Variants in CLSTN3 observed in about 807,000 individuals in gnomAD.
The protein encoded by CLSTN3 is calsyntenin 3, also known as calsyntenin-3.
In CLSTN3, 36 loss-of-function variants were observed where a neutral mutation model predicts 95.9. That is an observed-to-expected ratio of 0.38 (90% CI 0.29 to 0.50). The LOEUF (loss-of-function observed/expected upper bound fraction) is 0.50, where lower values mean the gene tolerates loss of function less well. Ranked by LOEUF, CLSTN3 falls within the 20% of genes least tolerant of loss-of-function variation. The pLI, the probability that CLSTN3 is intolerant of heterozygous loss-of-function variation, is 0.95. For missense variants in CLSTN3, 1,084 were observed against 1,268.8 expected (o/e 0.85, Z 2.21); for synonymous variants, 481 against 504.0 (o/e 0.95, Z 0.61).
rs113962555 is a variant in CLSTN3, at chr12:7,137,493, A to G, written c.1210+383A>G. Among the ~76,000 whole-genome samples, 2 of 151,874 alleles carry G rather than the reference A, an allele frequency of 1.3e-5. No homozygotes were observed. The highest frequency in any genetic ancestry group is 4.8e-5 in the African/African-American group (2 of 41,400). ...CCCATCCTGGGACTGGTTGGCCCCA[A>G]CTCCGAGGCCTGTTCTTCCCTCAAC... On this transcript the variant is annotated intron_variant, in intron 7 of 17. Transcript: ENST00000266546. This position sits in a 1 kb window ranked among gnomAD's most constrained non-coding sequence, Gnocchi z 4.4.
intron 16 of CLSTN3, chr12:7,156,340 G>C (rs1469121700): frequency 2.7e-5 from 12 of 448,632 alleles, no homozygotes; most frequent in Non-Finnish European, 5.4e-5. Context: ...TTCGAGAGCT[G>C]TGTGTGTGTG....
At position 7,158,094 on chromosome 12, in the gene CLSTN3, T is replaced by C; in HGVS notation, c.*13T>C. 6.7e-7 allele frequency: 1 copy of C among 1,488,626 alleles called. No homozygotes were observed. The highest frequency in any genetic ancestry group is 1.3e-5 in the South Asian group (1 of 74,616). 92.2% of individuals were successfully genotyped at this position (1,488,626 alleles called of 1,614,324 possible). A position where few individuals can be genotyped will look rare whatever the true frequency, so the allele number is the denominator to read the frequency against. On this transcript the variant is annotated 3_prime_UTR_variant, in exon 18 of 18. Transcript: ENST00000266546. Reference sequence around the variant, plus strand: ...ACACCGCTACTAAGGCCTACACCTCTCCCCACGCAGAGGGGGAATTCTGCC... The same window carrying C: ...ACACCGCTACTAAGGCCTACACCTCCCCCCACGCAGAGGGGGAATTCTGCC...
Position 7,136,942 on chromosome 12 carries a change from G to C in CLSTN3, c.1042G>C (p.Gly348Arg), listed in dbSNP as rs745906828. 1.9e-6 allele frequency: 3 copies of C among 1,614,044 alleles called. No individual in the cohort carries two copies. The African/African-American group carries it at 4.0e-5, about 22-fold the overall frequency. ...QDSSLIYWFN[G>R]TQAVQVPLGG... is the part of the protein sequence containing the mutation. ...CAGCAGCCTGATCTACTGGTTCAATGGCACCCAGGCTGTGCAGGTGCCCCT... is the reference window on the plus strand; with the variant it reads ...CAGCAGCCTGATCTACTGGTTCAATCGCACCCAGGCTGTGCAGGTGCCCCT... The change falls in exon 7 of 18, where the codon GGC becomes CGC. Residue 348 changes from glycine (G) to arginine (R), a missense_variant. Gly to Arg is a moderately radical substitution (Grantham distance 125). Coordinates refer to ENST00000266546, the MANE Select transcript of CLSTN3 (RefSeq NM_014718.4).
chr12:7,156,421 C>T (rs1411153677), intron 16 of CLSTN3: 1 of 456,858 alleles, frequency 2.2e-6, no homozygotes, highest in Non-Finnish European at 4.4e-6. Flanking sequence ...TCTGTAGTGT[C>T]TATGTCTTCC....
rs773370112 is a variant in CLSTN3, at chr12:7,147,551, G to A, written c.1848-1421G>A. ...TTTTGAGATAGGGTCTCACTCTGTC[G>A]CCCAGGCTGGAGTGCAGTGGCCTGA... On this transcript the variant is annotated intron_variant, in intron 12 of 17. Coordinates refer to ENST00000266546, the MANE Select transcript of CLSTN3 (RefSeq NM_014718.4). 3.9e-4 allele frequency among the ~76,000 whole-genome samples: 55 copies of A among 139,334 alleles called. 1 individual carries two copies. In the East Asian group the frequency reaches 7.4e-3, roughly 19 times the overall value. 91.4% of individuals were successfully genotyped at this position (139,334 alleles called of 152,430 possible). A position where few individuals can be genotyped will look rare whatever the true frequency, so the allele number is the denominator to read the frequency against.
In CLSTN3 at chr12:7,157,399, C is replaced by T. The variant is rs1446416946; in HGVS notation, c.2528-90C>T. The T allele has an allele frequency of 2.4e-5, 28 of 1,165,984 alleles. No homozygotes were observed. Among genetic ancestry groups the T allele is most frequent in the South Asian group, 8.4e-5 (5 of 59,870 alleles). The allele number at this position is 1,165,984 out of a possible 1,614,324, so 72.2% of individuals were successfully genotyped here. On this transcript the variant is annotated intron_variant, in intron 16 of 17. Coordinates refer to ENST00000266546, the MANE Select transcript of CLSTN3 (RefSeq NM_014718.4). The surrounding 1 kb of genome is among the most constrained non-coding windows in gnomAD (Gnocchi z 5.9). ...GTTCTGCCCTGGGAGTCCTTCAGCC[C>T]GGGCTGCCTCTTTTCCTACCCAGCC...
intron 16 of CLSTN3, among the ~76,000 whole-genome samples, chr12:7,155,728 G>C (rs1007608057): frequency 1.3e-5 from 2 of 152,266 alleles, no homozygotes; most frequent in Non-Finnish European, 2.9e-5. Flanking sequence ...CTTGGAACCA[G>C]TGTCGAGGGA....
intron 16 of CLSTN3, among the ~76,000 whole-genome samples, chr12:7,153,780 T>G (rs1355587431): frequency 6.6e-6 from 1 of 152,148 alleles, no homozygotes; most frequent in African/African-American, 2.4e-5. Context: ...CCTGGTGAGA[T>G]TCTCGATCCT....
At chr12:7,144,653 C>G (rs1939590814) in intron 12 of CLSTN3, among the ~76,000 whole-genome samples, 1 of 152,164 alleles carries the variant, frequency 6.6e-6, no homozygotes, top group Non-Finnish European at 1.5e-5. Context: ...GTTAGGATTT[C>G]TGCGTTCCAA....
In CLSTN3 at chr12:7,141,094, A is replaced by T. The variant is rs115010156; in HGVS notation, c.1324-148A>T. 950 of 839,834 alleles carry T rather than the reference A, an allele frequency of 1.1e-3. 13 individuals carry two copies. The African/African-American group carries it at 0.015, about 13-fold the overall frequency. 52.0% of individuals were successfully genotyped at this position (839,834 alleles called of 1,614,324 possible). On this transcript the variant is annotated intron_variant, in intron 8 of 17. Transcript: ENST00000266546. This position sits in a 1 kb window ranked among gnomAD's most constrained non-coding sequence, Gnocchi z 4.1. Reference sequence around the variant, plus strand: ...ACAAGGATGTTATTCCTCGAGCTGGATAGGCAGCAAAGCACTAGTAAGCCC... The same window carrying T: ...ACAAGGATGTTATTCCTCGAGCTGGTTAGGCAGCAAAGCACTAGTAAGCCC...
intron 11 of CLSTN3, 30 bp from the exon 12 acceptor site, chr12:7,143,133 C>A (rs1400722948): frequency 1.2e-6 from 2 of 1,607,556 alleles, no homozygotes; most frequent in South Asian, 1.1e-5. Context: ...CCTGGCCCTG[C>A]TCTCAGCTGT....
chr12:7,157,372 G>A lies in CLSTN3; in HGVS notation c.2528-117G>A, dbSNP rs1939835460. The A allele has an allele frequency of 1.2e-6, 1 of 833,552 alleles. No homozygotes were observed. Among genetic ancestry groups the A allele is most frequent in the Non-Finnish European group, 1.8e-6 (1 of 554,920 alleles). The allele number at this position is 833,552 out of a possible 1,614,324, so 51.6% of individuals were successfully genotyped here. ...GTGTTCCTCTCTTCTCGGCCACCGT[G>A]TGTTCTGCCCTGGGAGTCCTTCAGC... On this transcript the variant is annotated intron_variant, in intron 16 of 17. Coordinates refer to ENST00000266546, the MANE Select transcript of CLSTN3 (RefSeq NM_014718.4). The surrounding 1 kb of genome is among the most constrained non-coding windows in gnomAD (Gnocchi z 5.9).
At position 7,157,832 on chromosome 12, in the gene CLSTN3, A is replaced by G. The variant is rs1591624458; in HGVS notation, c.2731-109A>G. The G allele has an allele frequency of 6.6e-7, 1 of 1,505,184 alleles. No homozygotes were observed. Among genetic ancestry groups the G allele is most frequent in the African/African-American group, 1.4e-5 (1 of 72,334 alleles). 93.2% of individuals were successfully genotyped at this position (1,505,184 alleles called of 1,614,324 possible). A position where few individuals can be genotyped will look rare whatever the true frequency, so the allele number is the denominator to read the frequency against. On this transcript the variant is annotated intron_variant, in intron 17 of 17. Transcript: ENST00000266546. The surrounding 1 kb of genome is among the most constrained non-coding windows in gnomAD (Gnocchi z 5.9). The stretch of plus-strand genomic sequence containing the variant: ...CGGAGGGAGAGAGGTTCAGGCAGGG[A>G]AGGGGGTACACAGGGGTTAAGGGGA...
At chr12:7,130,995 T>C (rs1367644864) in intron 1 of CLSTN3, 2 of 523,820 alleles carry the variant, frequency 3.8e-6, no homozygotes, top group Non-Finnish European at 6.9e-6. Flanking sequence ...TATTCTCCCC[T>C]TCCCCTAATT....
At chr12:7,156,333 G>A (rs777989525) in intron 16 of CLSTN3, 8 of 457,088 alleles carry the variant, frequency 1.8e-5, no homozygotes, top group South Asian at 6.2e-5. Context: ...GTGCTTCTTC[G>A]AGAGCTGTGT....
rs1939783774 is a variant in CLSTN3 at position 7,154,522 on chromosome 12, G to C, written c.2528-2967G>C. On this transcript the variant is annotated intron_variant, in intron 16 of 17. Transcript: ENST00000266546. The stretch of plus-strand genomic sequence containing the variant: ...AGGTGGTTAAGAGTGTTTATGGTTA[G>C]AGAGAATAAGGTTGGTTGAGAAGAG... Among the ~76,000 whole-genome samples, 3 of 152,184 alleles carry C rather than the reference G, an allele frequency of 2.0e-5. No individual in the cohort carries two copies. In the South Asian group the frequency reaches 6.2e-4, roughly 32 times the overall value.
Position 7,157,370 on chromosome 12 carries a change from G to T in CLSTN3, c.2528-119G>T. The T allele has an allele frequency of 1.2e-6, 1 of 815,448 alleles. No homozygotes were observed. 50.5% of individuals were successfully genotyped at this position (815,448 alleles called of 1,614,324 possible). Reference sequence around the variant, plus strand: ...AGGTGTTCCTCTCTTCTCGGCCACCGTGTGTTCTGCCCTGGGAGTCCTTCA... The same window carrying T: ...AGGTGTTCCTCTCTTCTCGGCCACCTTGTGTTCTGCCCTGGGAGTCCTTCA... On this transcript the variant is annotated intron_variant, in intron 16 of 17. Coordinates refer to ENST00000266546, the MANE Select transcript of CLSTN3 (RefSeq NM_014718.4). The surrounding 1 kb of genome is among the most constrained non-coding windows in gnomAD (Gnocchi z 5.9).
intron 1 of CLSTN3, 113 bp from the exon 2 acceptor site, chr12:7,132,911 G>T: frequency 7.0e-7 from 1 of 1,427,506 alleles, no homozygotes. Flanking sequence ...TCCTATAGGG[G>T]GTGGAAAAGG....
chr12:7,152,190 G>C (rs891112486), intron 16 of CLSTN3, among the ~76,000 whole-genome samples: 10 of 151,972 alleles, frequency 6.6e-5, no homozygotes, highest in African/African-American at 2.4e-4. Flanking sequence ...TTTTTAGAAA[G>C]TTAGGATTAG....
Sources: gnomAD v4.1 joint callset for allele counts (sites outside exome capture counted in the v4.1 genomes callset) on GRCh38, gnomAD v4.1.1 for gene constraint, Gnocchi (gnomAD v3.1) non-coding constraint, MANE v1.5 for transcripts, NCBI Gene and HGNC (gene_info 2026-07-23, HGNC 2026-07-21) for gene names.